Variants in CERT1 observed in about 807,000 individuals in gnomAD.
CERT1 encodes ceramide transfer protein.
CERT1 carries 31 observed loss-of-function variants against 87.9 expected under a neutral mutation model. The observed-to-expected ratio is 0.35, with a 90% confidence interval of 0.27 to 0.48. The LOEUF (loss-of-function observed/expected upper bound fraction) is 0.48, where lower values mean the gene tolerates loss of function less well. Among genes scored for constraint, CERT1 ranks in the 20% least tolerant of loss-of-function variants. CERT1 has a pLI of 0.99. For missense variants in CERT1, 487 were observed against 758.0 expected (o/e 0.64, Z 4.20); for synonymous variants, 289 against 250.9 (o/e 1.15, Z -1.44).
chr5:75,499,002 A>T (rs1767213179), intron 2 of CERT1, among the ~76,000 whole-genome samples: 2 of 152,260 alleles, frequency 1.3e-5, no homozygotes, highest in African/African-American at 4.8e-5. Context: ...CTTGCATAAG[A>T]GTGACCTGAA....
In CERT1 at chr5:75,393,605, A is replaced by T. The variant is rs1330534024; in HGVS notation, c.1189-3918T>A. Among the ~76,000 whole-genome samples the T allele has an allele frequency of 2.4e-5, 3 of 127,380 alleles. 1 individual carries two copies. In the East Asian group the frequency reaches 7.0e-4, roughly 30 times the overall value. The allele number at this position is 127,380 out of a possible 152,430, so 83.6% of individuals were successfully genotyped here. A position where few individuals can be genotyped will look rare whatever the true frequency, so the allele number is the denominator to read the frequency against. On this transcript the variant is annotated intron_variant, in intron 11 of 16. Transcript: ENST00000643780. ...ACATAGCAAGACCTCATCTACTTAAAAAAAAAAAAAAAAAAAAAGAAAGTC... is the reference window on the plus strand; with the variant it reads ...ACATAGCAAGACCTCATCTACTTAATAAAAAAAAAAAAAAAAAAGAAAGTC...
intron 2 of CERT1, among the ~76,000 whole-genome samples, chr5:75,462,499 A>G (rs1765273375): frequency 6.6e-6 from 1 of 152,052 alleles, no homozygotes. Context: ...CTTGCCTGAC[A>G]CTCACCTCCT....
upstream of CERT1, chr5:75,511,728 G>A (rs753714628): frequency 1.7e-5 from 27 of 1,547,356 alleles, no homozygotes; most frequent in Middle Eastern, 3.6e-4. Flanking sequence ...GCGACACGCC[G>A]AGCCTTCGGG....
At chr5:75,419,131 G>A (rs1278286969) in intron 6 of CERT1, among the ~76,000 whole-genome samples, 1 of 152,082 alleles carries the variant, frequency 6.6e-6, no homozygotes, top group Admixed American at 6.5e-5. Flanking sequence ...AATGATGCTG[G>A]GACAGCTGGA....
At position 75,389,071 on chromosome 5, in the gene CERT1, A is replaced by G. The variant is rs185529384; in HGVS notation, c.1284+521T>C. On this transcript the variant is annotated intron_variant, in intron 12 of 16. Transcript: ENST00000643780. ...CAATGTTGCTTTTGCTTTTCAATCC[A>G]TCTCTGTATCTCTCAGTCCCTGCTC... Among the ~76,000 whole-genome samples the G allele has an allele frequency of 1.4e-3, 217 of 152,270 alleles. 1 individual carries two copies. Among genetic ancestry groups the G allele is most frequent in the African/African-American group, 5.1e-3 (210 of 41,550 alleles).
chr5:75,456,792 TGA>T (rs1236075541), intron 3 of CERT1, among the ~76,000 whole-genome samples: 1 of 152,078 alleles, frequency 6.6e-6, no homozygotes, highest in African/African-American at 2.4e-5. Context: ...CCCACTGCTC[TGA>T]GAGAGACCCA....
intron 2 of CERT1, among the ~76,000 whole-genome samples, chr5:75,483,305 C>A (rs1766341742): frequency 6.6e-6 from 1 of 152,002 alleles, no homozygotes; most frequent in Non-Finnish European, 1.5e-5. Flanking sequence ...AATGAGTGAG[C>A]TTGAAGACAG....
At chr5:75,500,915 TTA>T (rs1561307547) in intron 2 of CERT1, among the ~76,000 whole-genome samples, 1 of 152,176 alleles carries the variant, frequency 6.6e-6, no homozygotes. Context: ...CTTTCAAAAT[TTA>T]TGTTTATTTT....
chr5:75,446,748 T>C (rs1161843034), intron 3 of CERT1, among the ~76,000 whole-genome samples: 1 of 152,242 alleles, frequency 6.6e-6, no homozygotes, highest in Non-Finnish European at 1.5e-5. Flanking sequence ...GGATTTTTTC[T>C]AGCCCTGCAC....
chr5:75,388,700 A>ATTGCAGCCT (rs1195273880), intron 12 of CERT1, among the ~76,000 whole-genome samples: 2 of 147,438 alleles, frequency 1.4e-5, no homozygotes, highest in African/African-American at 4.9e-5. Context: ...AACGCGGCTC[A>ATTGCAGCCT]TTGCAGCCTT....
chr5:75,493,592 C>A lies in CERT1; in HGVS notation c.231+12390G>T, dbSNP rs1222325982. On this transcript the variant is annotated intron_variant, in intron 2 of 16. Coordinates refer to ENST00000643780, the MANE Select transcript of CERT1 (RefSeq NM_001379029.1). The stretch of plus-strand genomic sequence containing the variant: ...TATGTTTTTTCTCTCTGGAAGCATC[C>A]AAGATCTTCTTCCCAGTGGTCTGGC... Among the ~76,000 whole-genome samples, 4 of 152,290 alleles carry A rather than the reference C, an allele frequency of 2.6e-5. No individual in the cohort carries two copies. The East Asian group carries it at 7.7e-4, about 29-fold the overall frequency.
chr5:75,407,063 G>T (rs1331095366), intron 8 of CERT1, among the ~76,000 whole-genome samples: 8 of 152,068 alleles, frequency 5.3e-5, no homozygotes, highest in Non-Finnish European at 1.2e-4. Flanking sequence ...AGAAGGGGAA[G>T]TGTAAAAACA....
chr5:75,442,189 T>C (rs1204062014), intron 3 of CERT1, among the ~76,000 whole-genome samples: 1 of 152,210 alleles, frequency 6.6e-6, no homozygotes, highest in African/African-American at 2.4e-5. Context: ...TTTACTAAGA[T>C]TTTTATTTCT....
chr5:75,368,536 G>C (rs1169256671), exon 18 of CERT1: 4 of 152,174 alleles, frequency 2.6e-5, no homozygotes, highest in Non-Finnish European at 4.4e-5. Flanking sequence ...TTCTGTGGCA[G>C]GCAGCCAACA....
At chr5:75,399,247 G>T in intron 11 of CERT1, 63 bp downstream of exon 11, 1 of 1,243,798 alleles carries the variant, frequency 8.0e-7, no homozygotes, top group Non-Finnish European at 1.2e-6. Flanking sequence ...TCTAGGAACT[G>T]GGAAAGCAGG....
chr5:75,410,345 C>A (rs2112123582), intron 8 of CERT1, among the ~76,000 whole-genome samples: 1 of 152,168 alleles, frequency 6.6e-6, no homozygotes, highest in South Asian at 2.1e-4. Context: ...CGGGGTGGCT[C>A]ACGCCTGTAA....
intron 2 of CERT1, among the ~76,000 whole-genome samples, chr5:75,461,030 G>A (rs1765203237): frequency 6.6e-6 from 1 of 152,152 alleles, no homozygotes; most frequent in Non-Finnish European, 1.5e-5. Flanking sequence ...CATAAATAAT[G>A]ATCATAAATT....
At chr5:75,404,827 G>A (rs1762640694) in intron 8 of CERT1, among the ~76,000 whole-genome samples, 1 of 152,124 alleles carries the variant, frequency 6.6e-6, no homozygotes, top group Non-Finnish European at 1.5e-5. Flanking sequence ...AGGCCAACAT[G>A]ACGAAAACCT....
At chr5:75,457,990 G>A (rs1417114834) in intron 3 of CERT1, among the ~76,000 whole-genome samples, 1 of 151,502 alleles carries the variant, frequency 6.6e-6, no homozygotes, top group East Asian at 2.0e-4. Context: ...TGGTATGTGT[G>A]TGTGTGTTTT....
Sources: gnomAD v4.1 joint callset for allele counts (sites outside exome capture counted in the v4.1 genomes callset) on GRCh38, gnomAD v4.1.1 for gene constraint, MANE v1.5 for transcripts, NCBI Gene and HGNC (gene_info 2026-07-23, HGNC 2026-07-21) for gene names.